Variants in SETBP1 observed in about 807,000 individuals in gnomAD.
SETBP1 encodes SET binding protein 1, also known as SET-binding protein.
Under a neutral mutation model 101.0 loss-of-function variants are expected in SETBP1, and 9 were observed. That is an observed-to-expected ratio of 0.09 (90% confidence interval 0.05 to 0.16). The LOEUF is 0.16. SETBP1 is among the 10% of genes least tolerant of loss of function. The probability of loss-of-function intolerance (pLI) is 1.00; values close to 1 mark genes in which losing one functional copy is unlikely to be tolerated. For synonymous variants in SETBP1, 818 were observed against 788.5 expected, an observed-to-expected ratio of 1.04 and a Z score of -0.63; for missense variants, 1,858 against 2,033.8, an observed-to-expected ratio of 0.91 and a Z score of 1.66.
In SETBP1 at chr18:45,054,253, T is replaced by A. The variant is rs894058171; in HGVS notation, c.4172-8826T>A. Among the ~76,000 whole-genome samples the A allele has an allele frequency of 2.6e-5, 4 of 151,906 alleles. No homozygotes were observed. The South Asian group carries it at 6.2e-4, about 24-fold the overall frequency. ...CCCAGGCTGGAGTACAGTGGCACAA[T>A]CTTGGCTCACTGCACCCTCCGCCTC... On this transcript the variant is annotated intron_variant, in intron 5 of 5. Transcript: ENST00000649279.
chr18:45,007,841 G>A (rs964532084), intron 4 of SETBP1, among the ~76,000 whole-genome samples: 3 of 152,114 alleles, frequency 2.0e-5, no homozygotes, highest in African/African-American at 7.2e-5. Flanking sequence ...GCATCCAGTT[G>A]AACCAGGGCT....
chr18:45,009,110 G>A (rs1297466436), intron 4 of SETBP1, among the ~76,000 whole-genome samples: 1 of 152,132 alleles, frequency 6.6e-6, no homozygotes, highest in African/African-American at 2.4e-5. Flanking sequence ...AGGAAGAAGT[G>A]TGTTCCCTCC....
chr18:45,048,978 C>CAAAAAAAAAAAAAAA (rs71177665), intron 5 of SETBP1, among the ~76,000 whole-genome samples: 8 of 46,648 alleles, frequency 1.7e-4, no homozygotes, highest in Admixed American at 3.2e-4. Context: ...GACTCCGTCT[C>CAAAAAAAAAAAAAAA]AAAAAAAAAA....
chr18:44,902,044 A>G (rs2070059424), intron 3 of SETBP1, among the ~76,000 whole-genome samples: 1 of 152,184 alleles, frequency 6.6e-6, no homozygotes, highest in African/African-American at 2.4e-5. Flanking sequence ...ACATGTGGCT[A>G]TTTAAGTTTG....
chr18:44,910,273 G>C (rs1416735405), intron 3 of SETBP1, among the ~76,000 whole-genome samples: 2 of 152,150 alleles, frequency 1.3e-5, no homozygotes, highest in Admixed American at 6.5e-5. Context: ...TCACCATTCA[G>C]GGACAAACAG....
chr18:44,727,236 C>T (rs1354259357), intron 2 of SETBP1, among the ~76,000 whole-genome samples: 1 of 135,310 alleles, frequency 7.4e-6, no homozygotes, highest in East Asian at 2.1e-4. Context: ...CCAAATAAAA[C>T]AAACTCTTAA....
intron 4 of SETBP1, among the ~76,000 whole-genome samples, chr18:45,004,016 G>T (rs1457660830): frequency 6.6e-6 from 1 of 152,176 alleles, no homozygotes; most frequent in African/African-American, 2.4e-5. Flanking sequence ...GTGAGTAGAA[G>T]CCAGGGATGC....
intron 5 of SETBP1, among the ~76,000 whole-genome samples, chr18:45,053,459 A>C (rs1166832669): frequency 4.6e-5 from 7 of 152,236 alleles, no homozygotes; most frequent in Non-Finnish European, 1.0e-4. Context: ...GGGTCCTTTC[A>C]AGAAATTGAG....
intron 4 of SETBP1, among the ~76,000 whole-genome samples, chr18:44,972,996 T>G (rs181133670): frequency 7.5e-4 from 115 of 152,360 alleles, no homozygotes; most frequent in African/African-American, 2.7e-3. Context: ...CTATTGAGTA[T>G]GATATTGGCT....
chr18:44,934,445 A>G (rs2070913453), intron 3 of SETBP1, among the ~76,000 whole-genome samples: 1 of 152,164 alleles, frequency 6.6e-6, no homozygotes, highest in Non-Finnish European at 1.5e-5. Context: ...CACTGTGCCC[A>G]GCCTGTTTTC....
intron 2 of SETBP1, among the ~76,000 whole-genome samples, chr18:44,712,780 T>C (rs950308005): frequency 1.3e-5 from 2 of 151,894 alleles, no homozygotes; most frequent in Non-Finnish European, 2.9e-5. Context: ...GAAGTTGAAT[T>C]CATTGAGGAC....
At chr18:45,052,019 G>A (rs1020181486) in intron 5 of SETBP1, among the ~76,000 whole-genome samples, 25 of 126,950 alleles carry the variant, frequency 2.0e-4, no homozygotes, top group East Asian at 8.0e-4. Context: ...GTCAAGTCAC[G>A]TAGATTGATT....
chr18:44,803,728 A>G (rs554395737), intron 2 of SETBP1, among the ~76,000 whole-genome samples: 2 of 151,476 alleles, frequency 1.3e-5, no homozygotes, highest in African/African-American at 2.4e-5. Context: ...CTTTTTCACT[A>G]TTTTTCTCAT....
At chr18:44,939,339 T>C (rs767649800) in intron 3 of SETBP1, among the ~76,000 whole-genome samples, 144 of 152,124 alleles carry the variant, frequency 9.5e-4, no homozygotes, top group Non-Finnish European at 1.5e-4. Flanking sequence ...ATAAACAGAA[T>C]GGTACAGTGT....
intron 2 of SETBP1, among the ~76,000 whole-genome samples, chr18:44,862,668 T>C (rs936520785): frequency 2.6e-5 from 4 of 152,224 alleles, no homozygotes; most frequent in South Asian, 2.1e-4. Flanking sequence ...AAATTCCTGT[T>C]TGTAAGCCAA....
intron 4 of SETBP1, among the ~76,000 whole-genome samples, chr18:45,034,196 C>T (rs951931020): frequency 2.0e-5 from 3 of 152,080 alleles, no homozygotes; most frequent in East Asian, 1.9e-4. Flanking sequence ...GAAACAGAAT[C>T]GAAATATTGA....
chr18:44,904,454 G>A (rs2070126327), intron 3 of SETBP1, among the ~76,000 whole-genome samples: 1 of 152,068 alleles, frequency 6.6e-6, no homozygotes, highest in African/African-American at 2.4e-5. Flanking sequence ...TCTTTATAGT[G>A]TTTTTCTCAT....
chr18:44,749,541 G>A (rs2144526056), intron 2 of SETBP1, among the ~76,000 whole-genome samples: 1 of 152,216 alleles, frequency 6.6e-6, no homozygotes, highest in Admixed American at 6.5e-5. Flanking sequence ...TCTTCTTTTA[G>A]CAAGAAAGTA....
Position 44,951,586 on chromosome 18 carries a change from C to T in SETBP1, c.2246C>T (p.Pro749Leu). The change falls in exon 4 of 6, where the codon CCC becomes CTC. Residue 749 changes from proline to leucine, a missense_variant. By Grantham distance (98) the Pro-to-Leu change is moderately conservative (BLOSUM62 -3). Transcript: ENST00000649279. The surrounding 1 kb of genome is among the most constrained non-coding windows in gnomAD (Gnocchi z 7.8). Reference sequence around the variant, plus strand: ...GAACCCAAAACAGCCATCAAGCACCCCAGGCCTGTTTCTAGCCAGCCGGAT... The same window carrying T: ...GAACCCAAAACAGCCATCAAGCACCTCAGGCCTGTTTCTAGCCAGCCGGAT... ...SEEPKTAIKH[P>L]RPVSSQPDVP... The T allele has an allele frequency of 6.2e-7, 1 of 1,614,168 alleles. No homozygotes were observed. The highest frequency in any genetic ancestry group is 8.5e-7 in the Non-Finnish European group (1 of 1,180,046).
Sources: allele counts gnomAD v4.1 joint callset (sites outside exome capture counted in the v4.1 genomes callset), GRCh38; gene constraint gnomAD v4.1.1; non-coding constraint Gnocchi (gnomAD v3.1); transcripts MANE v1.5; gene names NCBI Gene and HGNC (gene_info 2026-07-23, HGNC 2026-07-21).